Variants in SLC35F3 observed in about 807,000 individuals in gnomAD.
SLC35F3 encodes the protein putative thiamine transporter SLC35F3.
In SLC35F3, 25 loss-of-function variants were observed where a neutral mutation model predicts 49.9. That is an observed-to-expected ratio of 0.50 (90% CI 0.37 to 0.70). SLC35F3 has a LOEUF of 0.70. Among genes scored for constraint, SLC35F3 ranks in the 30% least tolerant of loss-of-function variants. The pLI is 0.00. For synonymous variants in SLC35F3, 275 were observed against 265.4 expected, an observed-to-expected ratio of 1.04 and a Z score of -0.35; for missense variants, 525 against 639.8, an observed-to-expected ratio of 0.82 and a Z score of 1.94.
intron 2 of SLC35F3, among the ~76,000 whole-genome samples, chr1:234,017,442 A>G (rs189589026): frequency 3.3e-5 from 5 of 152,078 alleles, no homozygotes; most frequent in Admixed American, 2.6e-4. Flanking sequence ...AGCCGGGCGC[A>G]GTGGCTCATG....
At chr1:234,262,831 G>A (rs187809408) in intron 3 of SLC35F3, among the ~76,000 whole-genome samples, 1 of 152,288 alleles carries the variant, frequency 6.6e-6, no homozygotes, top group African/African-American at 2.4e-5. Context: ...CGGGTTATTG[G>A]AATTCAGCTA....
chr1:234,062,019 T>C (rs2102863099), intron 2 of SLC35F3, among the ~76,000 whole-genome samples: 1 of 152,334 alleles, frequency 6.6e-6, no homozygotes, highest in South Asian at 2.1e-4. Flanking sequence ...ATTTCCTGTT[T>C]CTTATATGTC....
intron 2 of SLC35F3, among the ~76,000 whole-genome samples, chr1:234,136,846 G>A (rs1665819638): frequency 6.6e-6 from 1 of 152,232 alleles, no homozygotes; most frequent in South Asian, 2.1e-4. Flanking sequence ...GGATCTCAGA[G>A]ATCAGTCTTC....
intron 2 of SLC35F3, among the ~76,000 whole-genome samples, chr1:233,922,192 G>C (rs1250798053): frequency 1.3e-5 from 2 of 152,168 alleles, no homozygotes; most frequent in African/African-American, 2.4e-5. Flanking sequence ...GGTATTTCTA[G>C]TTCTAGATCC....
chr1:234,218,160 G>A (rs1375429533), intron 2 of SLC35F3, among the ~76,000 whole-genome samples: 1 of 152,232 alleles, frequency 6.6e-6, no homozygotes, highest in Admixed American at 6.5e-5. Flanking sequence ...CAGAAGCAGA[G>A]CATTGGTCAG....
chr1:234,080,155 G>A (rs987923432), intron 2 of SLC35F3, among the ~76,000 whole-genome samples: 7 of 152,098 alleles, frequency 4.6e-5, no homozygotes, highest in Non-Finnish European at 1.5e-5. Flanking sequence ...CATGGCTAAT[G>A]ATTTAATCAC....
chr1:234,077,049 C>G (rs1664803595), intron 2 of SLC35F3, among the ~76,000 whole-genome samples: 2 of 138,102 alleles, frequency 1.4e-5, no homozygotes, highest in Middle Eastern at 4.5e-3. Flanking sequence ...CCAGGCCGGA[C>G]TGCGGACTGC....
rs1661842507 is a variant in SLC35F3 at position 233,909,669 on chromosome 1, T to C, written c.283+3911T>C. Among the ~76,000 whole-genome samples, 3 of 152,216 alleles carry C rather than the reference T, an allele frequency of 2.0e-5. No homozygotes were observed. In the South Asian group the frequency reaches 6.2e-4, roughly 32 times the overall value. ...TGATCTCAGCACTATTAACCCTTTGTGCTGTATAAGTATTTGTTGTAGGGA... is the reference window on the plus strand; with the variant it reads ...TGATCTCAGCACTATTAACCCTTTGCGCTGTATAAGTATTTGTTGTAGGGA... On this transcript the variant is annotated intron_variant, in intron 2 of 7. Transcript: ENST00000366618.
intron 2 of SLC35F3, among the ~76,000 whole-genome samples, chr1:234,180,459 T>G (rs1295621749): frequency 6.6e-6 from 1 of 152,222 alleles, no homozygotes; most frequent in Non-Finnish European, 1.5e-5. Flanking sequence ...TCCTCCCTGC[T>G]AAGTGAGACC....
intron 2 of SLC35F3, among the ~76,000 whole-genome samples, 171 bp downstream of exon 2, chr1:233,905,929 C>G (rs1368316100): frequency 1.3e-5 from 2 of 152,254 alleles, no homozygotes; most frequent in Non-Finnish European, 2.9e-5. Context: ...ACGGAGTTCT[C>G]CTGGACCTCT....
intron 3 of SLC35F3, among the ~76,000 whole-genome samples, chr1:234,237,961 C>A (rs1226054372): frequency 6.6e-6 from 1 of 152,212 alleles, no homozygotes; most frequent in Non-Finnish European, 1.5e-5. Context: ...ACCTTGGCCC[C>A]CCAAAGTGCT....
intron 3 of SLC35F3, among the ~76,000 whole-genome samples, chr1:234,275,423 A>G (rs1668188469): frequency 6.6e-6 from 1 of 152,194 alleles, no homozygotes; most frequent in Non-Finnish European, 1.5e-5. Context: ...TCATTAAGAT[A>G]TCAATTTCAT....
intron 3 of SLC35F3, among the ~76,000 whole-genome samples, chr1:234,271,557 C>A (rs891221239): frequency 2.4e-4 from 37 of 152,132 alleles, no homozygotes; most frequent in Non-Finnish European, 8.8e-5. Flanking sequence ...TCCCTTGAGA[C>A]CCATCAGGGA....
chr1:234,080,526 A>G (rs766551699), intron 2 of SLC35F3, among the ~76,000 whole-genome samples: 64 of 152,226 alleles, frequency 4.2e-4, no homozygotes, highest in Non-Finnish European at 7.5e-4. Flanking sequence ...TATTAATACA[A>G]TGGAATATTA....
At chr1:234,303,500 C>A (rs1209367464) in intron 3 of SLC35F3, among the ~76,000 whole-genome samples, 1 of 152,230 alleles carries the variant, frequency 6.6e-6, no homozygotes, top group East Asian at 1.9e-4. Context: ...TTGGTCTACA[C>A]CCTTGCTTTG....
intron 2 of SLC35F3, among the ~76,000 whole-genome samples, chr1:234,110,455 G>A (rs1298865054): frequency 6.6e-6 from 1 of 152,240 alleles, no homozygotes; most frequent in East Asian, 1.9e-4. Flanking sequence ...TTTGGTTCAG[G>A]ATAATGTGTG....
chr1:234,314,238 A>G (rs909085483), intron 4 of SLC35F3, among the ~76,000 whole-genome samples: 3 of 151,294 alleles, frequency 2.0e-5, no homozygotes, highest in Admixed American at 2.0e-4. Context: ...CAAAAGGTCA[A>G]TGTCCAACCG....
intron 2 of SLC35F3, among the ~76,000 whole-genome samples, chr1:234,167,720 A>G (rs756790988): frequency 6.6e-6 from 1 of 152,186 alleles, no homozygotes; most frequent in African/African-American, 2.4e-5. Context: ...TGAATAGGTC[A>G]CATGTGCCGA....
At chr1:233,960,159 G>A (rs763629524) in intron 2 of SLC35F3, among the ~76,000 whole-genome samples, 3 of 152,090 alleles carry the variant, frequency 2.0e-5, no homozygotes, top group South Asian at 2.1e-4. Flanking sequence ...TTGTCTTTGC[G>A]CAATATGCCA....
Sources: gnomAD v4.1 joint callset for allele counts (sites outside exome capture counted in the v4.1 genomes callset) on GRCh38, gnomAD v4.1.1 for gene constraint, MANE v1.5 for transcripts, NCBI Gene and HGNC (gene_info 2026-07-23, HGNC 2026-07-21) for gene names.